The following AUTS2 variants were observed in gnomAD, a reference collection of about 807,000 sequenced individuals.
AUTS2 encodes the protein autism susceptibility gene 2 protein.
A neutral mutation model predicts 112.4 loss-of-function variants in AUTS2; 17 were observed. That is an observed-to-expected ratio of 0.15 (90% CI 0.10 to 0.23). AUTS2 has a LOEUF of 0.23. AUTS2 is among the 10% of genes least tolerant of loss of function. The probability of loss-of-function intolerance (pLI) is 1.00; values close to 1 mark genes in which losing one functional copy is unlikely to be tolerated. For synonymous variants in AUTS2, 751 were observed against 702.7 expected, an observed-to-expected ratio of 1.07 and a Z score of -1.09; for missense variants, 1,510 against 1,701.6, an observed-to-expected ratio of 0.89 and a Z score of 1.98.
intron 4 of AUTS2, among the ~76,000 whole-genome samples, chr7:70,138,642 A>G (rs1477603079): frequency 6.6e-6 from 1 of 152,220 alleles, no homozygotes; most frequent in Non-Finnish European, 1.5e-5. Context: ...GGTCACATCT[A>G]GTAATTGACA....
chr7:70,377,332 ATATATATATAT>A (rs1793142027), intron 4 of AUTS2, among the ~76,000 whole-genome samples: 1 of 34,306 alleles, frequency 2.9e-5, no homozygotes, highest in Non-Finnish European at 6.0e-5. Flanking sequence ...ATAAATATAT[ATATATATATAT>A]ATATATATAT....
rs562162323 is a variant in AUTS2, at chr7:70,756,293, G to A, written c.743-6577G>A. On this transcript the variant is annotated intron_variant, in intron 6 of 18. Transcript: ENST00000342771. The stretch of plus-strand genomic sequence containing the variant: ...TACTTATTATGTGTTGTGCATTGTG[G>A]AAAGCACTTTACATGGCCTAATTTA... Among the ~76,000 whole-genome samples, 13 of 152,296 alleles carry A rather than the reference G, an allele frequency of 8.5e-5. No homozygotes were observed. The South Asian group carries it at 2.7e-3, about 32-fold the overall frequency.
chr7:70,392,456 A>G (rs1793908442), intron 4 of AUTS2, among the ~76,000 whole-genome samples: 1 of 152,198 alleles, frequency 6.6e-6, no homozygotes, highest in African/African-American at 2.4e-5. Flanking sequence ...AGGAAGTCTC[A>G]GTGTACCATA....
chr7:69,868,235 G>A (rs1390493062), intron 1 of AUTS2, among the ~76,000 whole-genome samples: 1 of 152,086 alleles, frequency 6.6e-6, no homozygotes, highest in Non-Finnish European at 1.5e-5. Flanking sequence ...TTTATCCTAG[G>A]ATTCAGCTTT....
chr7:69,778,757 A>T (rs1008472100), intron 1 of AUTS2, among the ~76,000 whole-genome samples: 1 of 152,186 alleles, frequency 6.6e-6, no homozygotes, highest in East Asian at 1.9e-4. Context: ...AGGAGTCAGC[A>T]TGATTTCCCA....
At chr7:70,652,139 C>T (rs576898980) in intron 5 of AUTS2, among the ~76,000 whole-genome samples, 55 of 152,308 alleles carry the variant, frequency 3.6e-4, no homozygotes, top group Non-Finnish European at 5.4e-4. Flanking sequence ...CTGCCTTCAA[C>T]TCCTCATGTT....
At chr7:70,294,480 G>A (rs528591104) in intron 4 of AUTS2, among the ~76,000 whole-genome samples, 29 of 152,252 alleles carry the variant, frequency 1.9e-4, no homozygotes, top group African/African-American at 7.0e-4. Flanking sequence ...AGTAGGCTTT[G>A]CACAGATTAG....
chr7:70,064,014 A>G (rs1291272123), intron 2 of AUTS2, among the ~76,000 whole-genome samples: 1 of 152,234 alleles, frequency 6.6e-6, no homozygotes, highest in African/African-American at 2.4e-5. Flanking sequence ...GGATCAGACT[A>G]GAAGGCGTCA....
chr7:69,898,512 GGAACCTTGGT>G (rs1794844379), intron 1 of AUTS2, among the ~76,000 whole-genome samples: 2 of 152,110 alleles, frequency 1.3e-5, no homozygotes, highest in African/African-American at 4.8e-5. Flanking sequence ...CCAGTCTGTT[GGAACCTTGGT>G]GTGTACTGAG....
intron 1 of AUTS2, among the ~76,000 whole-genome samples, chr7:69,729,167 T>C (rs1166744572): frequency 6.6e-6 from 1 of 152,104 alleles, no homozygotes; most frequent in East Asian, 1.9e-4. Context: ...ACTAGCAACT[T>C]TAAACTCATT....
At position 70,729,058 on chromosome 7, in the gene AUTS2, T is replaced by C. The variant is rs534831813; in HGVS notation, c.742+30438T>C. ...GCCTGGGAGGAGCCACTTTCTGTTCTTTGTGAAAGCTAGAGCTGCTCTGCT... is the reference window on the plus strand; with the variant it reads ...GCCTGGGAGGAGCCACTTTCTGTTCCTTGTGAAAGCTAGAGCTGCTCTGCT... On this transcript the variant is annotated intron_variant, in intron 6 of 18. Coordinates refer to ENST00000342771, the MANE Select transcript of AUTS2 (RefSeq NM_015570.4). 52 of 413,872 alleles carry C rather than the reference T, an allele frequency of 1.3e-4. 1 individual carries two copies. The East Asian group carries it at 1.8e-3, about 14-fold the overall frequency. The allele number at this position is 413,872 out of a possible 1,614,324, so 25.6% of individuals were successfully genotyped here.
intron 1 of AUTS2, among the ~76,000 whole-genome samples, chr7:69,804,614 A>G (rs1790221681): frequency 6.6e-6 from 1 of 152,202 alleles, no homozygotes; most frequent in South Asian, 2.1e-4. Flanking sequence ...CTCCTGATCT[A>G]TTAGTTTTAT....
intron 1 of AUTS2, among the ~76,000 whole-genome samples, chr7:69,637,980 A>G (rs1794626338): frequency 2.0e-5 from 3 of 152,232 alleles, no homozygotes; most frequent in Admixed American, 6.5e-5. Flanking sequence ...GATTTCAGAA[A>G]AAGACCTTTC....
chr7:70,566,968 T>TG (rs1195969135), intron 5 of AUTS2, among the ~76,000 whole-genome samples: 1 of 152,244 alleles, frequency 6.6e-6, no homozygotes, highest in African/African-American at 2.4e-5. Context: ...AGGCCTCTCA[T>TG]GCATGATTTA....
At chr7:69,832,315 T>G (rs1791538546) in intron 1 of AUTS2, among the ~76,000 whole-genome samples, 1 of 152,198 alleles carries the variant, frequency 6.6e-6, no homozygotes, top group African/African-American at 2.4e-5. Context: ...ATTTTGAATA[T>G]GGGAATGGGT....
intron 1 of AUTS2, among the ~76,000 whole-genome samples, chr7:69,764,560 TA>T (rs34304208): frequency 0.018 from 2,575 of 143,608 alleles, 48 homozygotes; most frequent in Non-Finnish European, 0.023. Context: ...AGTACTGATG[TA>T]AAAAAAAAAA....
At chr7:69,964,526 C>G (rs1404814451) in intron 2 of AUTS2, among the ~76,000 whole-genome samples, 12 of 152,178 alleles carry the variant, frequency 7.9e-5, no homozygotes, top group Admixed American at 7.9e-4. Flanking sequence ...AATTTGTTAT[C>G]TCTTTTTGCA....
intron 5 of AUTS2, among the ~76,000 whole-genome samples, chr7:70,553,079 C>T (rs1199169330): frequency 1.3e-5 from 2 of 152,340 alleles, no homozygotes; most frequent in South Asian, 2.1e-4. Context: ...ACTCCTCTGA[C>T]AAATGAGGAT....
chr7:70,087,175 G>A (rs1803650722), intron 2 of AUTS2, among the ~76,000 whole-genome samples: 2 of 151,778 alleles, frequency 1.3e-5, no homozygotes, highest in South Asian at 4.2e-4. Context: ...TTTTAATCAG[G>A]AATGGATGTT....
Sources: allele counts gnomAD v4.1 joint callset (sites outside exome capture counted in the v4.1 genomes callset), GRCh38; gene constraint gnomAD v4.1.1; transcripts MANE v1.5; gene names NCBI Gene and HGNC (gene_info 2026-07-23, HGNC 2026-07-21).